EML5: variants seen among roughly 807,000 people sequenced by gnomAD.
The protein encoded by EML5 is EMAP like 5, also known as echinoderm microtubule-associated protein-like 5.
Under a neutral mutation model 250.0 loss-of-function variants are expected in EML5, and 120 were observed. That is an observed-to-expected ratio of 0.48 (90% CI 0.41 to 0.56). The LOEUF (loss-of-function observed/expected upper bound fraction) is 0.56, where lower values mean the gene tolerates loss of function less well. EML5 is among the 20% of genes least tolerant of loss of function. EML5 has a pLI of 0.00. For missense variants in EML5, 2,006 were observed against 2,437.6 expected (o/e 0.82, Z 3.73); for synonymous variants, 771 against 806.5 (o/e 0.96, Z 0.75).
chr14:88,680,107 A>G (rs1263447983), intron 21 of EML5, among the ~76,000 whole-genome samples: 1 of 152,188 alleles, frequency 6.6e-6, no homozygotes, highest in African/African-American at 2.4e-5. Context: ...GCACAGCTAT[A>G]CTTATATTAT....
chr14:88,662,702 C>T (rs568976534), intron 24 of EML5, among the ~76,000 whole-genome samples: 1 of 151,960 alleles, frequency 6.6e-6, no homozygotes, highest in East Asian at 1.9e-4. Context: ...GCCACCATGC[C>T]CAGCTAATTT....
intron 31 of EML5, among the ~76,000 whole-genome samples, chr14:88,640,806 C>A (rs2091020642): frequency 6.6e-6 from 1 of 151,862 alleles, no homozygotes; most frequent in Admixed American, 6.6e-5. Flanking sequence ...GATCAATAGA[C>A]CACTAGTAGT....
chr14:88,736,649 G>C lies in EML5; in HGVS notation c.848-84C>G, dbSNP rs186732254. On this transcript the variant is annotated intron_variant, in intron 6 of 43. Transcript: ENST00000554922. Reference sequence around the variant, plus strand: ...GCAGACAAATCCCTATGCAGATAGGGGCAAGTCCCGGTGAAAGCCAACCTT... The same window carrying C: ...GCAGACAAATCCCTATGCAGATAGGCGCAAGTCCCGGTGAAAGCCAACCTT... 78 of 1,327,010 alleles carry C rather than the reference G, an allele frequency of 5.9e-5. 1 individual carries two copies. The African/African-American group carries it at 9.4e-4, about 16-fold the overall frequency. The allele number at this position is 1,327,010 out of a possible 1,614,324, so 82.2% of individuals were successfully genotyped here. A position where few individuals can be genotyped will look rare whatever the true frequency, so the allele number is the denominator to read the frequency against.
In EML5 at chr14:88,661,658, G is replaced by A. The variant is rs1595419750; in HGVS notation, c.3671C>T (p.Thr1224Ile). The part of the protein sequence containing the change: ...LGFVKLFRYP[T>I]KGKFGKFKRY... The stretch of plus-strand genomic sequence containing the variant: ...AAGTTAAAGAAAAACACATACTTTA[G>A]TAGGATATCTAAATAACTTCACAAA... The change falls in exon 25 of 44, where the codon ACT (threonine) becomes ATT (isoleucine). Residue 1224 changes from threonine to isoleucine, a missense_variant. Physicochemically the swap from Thr to Ile is moderately conservative, Grantham distance 89. This residue lies in a region of EML5 where 1,375 missense variants were observed against 1,590.3 expected (regional missense o/e 0.86). Coordinates refer to ENST00000554922, the MANE Select transcript of EML5 (RefSeq NM_183387.3). The A allele has an allele frequency of 6.2e-7, 1 of 1,611,506 alleles. No individual in the cohort carries two copies. The highest frequency in any genetic ancestry group is 8.5e-7 in the Non-Finnish European group (1 of 1,178,886).
rs1232570235 is a variant in EML5, at chr14:88,706,433, T to C, written c.1658-7A>G. 6 of 1,484,008 alleles carry C rather than the reference T, an allele frequency of 4.0e-6. No homozygotes were observed. Among genetic ancestry groups the C allele is most frequent in the African/African-American group, 1.4e-5 (1 of 69,332 alleles). 91.9% of individuals were successfully genotyped at this position (1,484,008 alleles called of 1,614,324 possible). On this transcript the variant is annotated splice_region_variant and splice_polypyrimidine_tract_variant and intron_variant, in intron 10 of 43. Coordinates refer to ENST00000554922, the MANE Select transcript of EML5 (RefSeq NM_183387.3). ...TATTTTCTAAACTTGGCCCCTATAA[T>C]AAAAATATATCTTTAAATTGATAAA...
chr14:88,664,017 C>A (rs1426294221), intron 23 of EML5, among the ~76,000 whole-genome samples: 3 of 151,594 alleles, frequency 2.0e-5, no homozygotes, highest in Non-Finnish European at 4.4e-5. Context: ...GTGGCTCATG[C>A]CTATAATCAC....
intron 37 of EML5, chr14:88,621,834 G>C: frequency 2.2e-6 from 1 of 455,440 alleles, no homozygotes. Flanking sequence ...AGGGTAATAC[G>C]CATAACCATC....
chr14:88,633,902 T>C (rs761953440), intron 33 of EML5, among the ~76,000 whole-genome samples: 9 of 152,188 alleles, frequency 5.9e-5, no homozygotes, highest in Non-Finnish European at 1.2e-4. Flanking sequence ...TGAGCTACCA[T>C]GCTTGTCCAA....
chr14:88,736,670 AC>A, intron 6 of EML5, 105 bp from the exon 7 acceptor site: 2 of 1,052,170 alleles, frequency 1.9e-6, no homozygotes, highest in Non-Finnish European at 2.8e-6. Flanking sequence ...GTGAAAGCCA[AC>A]CTTCAAACCT....
At chr14:88,761,206 A>T (rs1489534152) in intron 1 of EML5, among the ~76,000 whole-genome samples, 3 of 152,024 alleles carry the variant, frequency 2.0e-5, no homozygotes, top group East Asian at 1.9e-4. Flanking sequence ...TTGTTTTTTT[A>T]AAATTATTAT....
intron 35 of EML5, 50 bp from the exon 36 acceptor site, chr14:88,625,177 G>C (rs1241363421): frequency 1.3e-6 from 2 of 1,592,610 alleles, no homozygotes; most frequent in East Asian, 2.2e-5. Flanking sequence ...AGTTCAAATA[G>C]AGTTTAAATA....
intron 1 of EML5, among the ~76,000 whole-genome samples, chr14:88,774,508 C>T (rs1595858662): frequency 6.6e-6 from 1 of 152,302 alleles, no homozygotes; most frequent in African/African-American, 2.4e-5. Flanking sequence ...CATACACAGT[C>T]TTTTGGGGAG....
rs372107522 is a variant in EML5 at position 88,715,066 on chromosome 14, C to T, written c.1317G>A (p.Gln439=). The T allele has an allele frequency of 9.9e-6, 16 of 1,613,726 alleles. No homozygotes were observed. In the African/African-American group the frequency reaches 1.9e-4, roughly 19 times the overall value. Residue 439 remains glutamine, a synonymous_variant, in exon 9 of 44, where the codon CAG becomes CAA. Transcript: ENST00000554922. ...AACACTCGCCAACTTTTTTATAACG[C>T]TGAGCAACTCCATAAATATCAACCG... ...DSSVDIYGVA[Q]RYKKVGECLG... is the part of the protein sequence containing the mutation.
At chr14:88,698,570 G>T (rs1295659267) in intron 14 of EML5, among the ~76,000 whole-genome samples, 1 of 152,038 alleles carries the variant, frequency 6.6e-6, no homozygotes, top group Non-Finnish European at 1.5e-5. Flanking sequence ...CAGCTTCCTT[G>T]ACTCCTACTA....
intron 2 of EML5, among the ~76,000 whole-genome samples, chr14:88,753,976 CA>C (rs578117755): frequency 3.5e-4 from 50 of 143,426 alleles, no homozygotes; most frequent in Non-Finnish European, 2.5e-4. Context: ...CCATCTCTAC[CA>C]AAAAAAAAAA....
chr14:88,624,994 A>T lies in EML5; in HGVS notation c.4874T>A (p.Ile1625Asn). The T allele has an allele frequency of 6.2e-7, 1 of 1,613,672 alleles. No homozygotes were observed. Among genetic ancestry groups the T allele is most frequent in the East Asian group, 2.2e-5 (1 of 44,876 alleles). The change falls in exon 36 of 44, where the codon ATC (isoleucine) becomes AAC (asparagine). Residue 1625 changes from isoleucine to asparagine, a missense_variant. By Grantham distance (149) the Ile-to-Asn change is moderately radical. Around this residue, in one of 7 missense-constraint regions of EML5, gnomAD observed 405 missense variants for 523.3 expected, o/e 0.77. Coordinates refer to ENST00000554922, the MANE Select transcript of EML5 (RefSeq NM_183387.3). ...AMYTTLRDGL[I>N]VTGGKERPSK... is the part of the protein sequence containing the mutation. Reference sequence around the variant, plus strand: ...CGGCCTTTCCTTTCCCCCAGTCACGATAAGTCCATCTCGCAGGGTGGTGTA... The same window carrying T: ...CGGCCTTTCCTTTCCCCCAGTCACGTTAAGTCCATCTCGCAGGGTGGTGTA...
At chr14:88,697,707 A>C (rs1337527341) in intron 14 of EML5, among the ~76,000 whole-genome samples, 2 of 152,180 alleles carry the variant, frequency 1.3e-5, no homozygotes, top group Non-Finnish European at 2.9e-5. Flanking sequence ...AGAGCTGTCA[A>C]TTATAGTTAA....
rs547642434 is a variant in EML5, at chr14:88,645,890, G to A, written c.4028+1057C>T. On this transcript the variant is annotated intron_variant, in intron 29 of 43. Transcript: ENST00000554922. ...GTTCAGGATCTATTTATAATGTGCC[G>A]TGTCCCAACAGGTATATTGAGTTCA... Among the ~76,000 whole-genome samples the A allele has an allele frequency of 1.6e-4, 24 of 152,184 alleles. No individual in the cohort carries two copies. In the East Asian group the frequency reaches 3.3e-3, roughly 21 times the overall value.
chr14:88,763,278 A>G (rs2094273547), intron 1 of EML5, among the ~76,000 whole-genome samples: 1 of 152,080 alleles, frequency 6.6e-6, no homozygotes, highest in Admixed American at 6.6e-5. Context: ...AAAGAAGAAA[A>G]GAGAGAAGAA....
Sources: allele counts gnomAD v4.1 joint callset (sites outside exome capture counted in the v4.1 genomes callset), GRCh38; gene constraint gnomAD v4.1.1; regional missense constraint gnomAD v4.1.1; transcripts MANE v1.5; gene names NCBI Gene and HGNC (gene_info 2026-07-23, HGNC 2026-07-21).